The following MUC3A variants were observed in gnomAD, a reference collection of about 807,000 sequenced individuals.
MUC3A encodes mucin 3A, cell surface associated.
Under a neutral mutation model 109.0 loss-of-function variants are expected in MUC3A, and 109 were observed. That is an observed-to-expected ratio of 1.00 (90% CI 0.86 to 1.17). MUC3A has a LOEUF of 1.17. Ranked by LOEUF, MUC3A falls within the 50% of genes most tolerant of loss-of-function variation. The pLI is 0.00. For synonymous variants in MUC3A, 1,398 were observed against 981.4 expected (o/e 1.42, Z -7.93); for missense variants, 3,537 against 2,469.4 (o/e 1.43, Z -9.16).
At position 100,962,067 on chromosome 7, in the gene MUC3A, C is replaced by T. The variant is rs1221849538; in HGVS notation, c.9053-1084C>T. On this transcript the variant is annotated intron_variant, in intron 3 of 11. Coordinates refer to ENST00000379458, the MANE Select transcript of MUC3A (RefSeq NM_005960.2). ...CTAAAACGGTGAAACCCCGTCTCTA[C>T]TAAAAATACAAAAAATTAGCCGGGC... Among the ~76,000 whole-genome samples the T allele has an allele frequency of 1.8e-5, 2 of 108,710 alleles. 1 individual carries two copies. Among genetic ancestry groups the T allele is most frequent in the Non-Finnish European group, 4.2e-5 (2 of 47,736 alleles). The allele number at this position is 108,710 out of a possible 152,430, so 71.3% of individuals were successfully genotyped here.
intron 4 of MUC3A, 37 bp downstream of exon 4, chr7:100,963,303 T>TTTTTTTTTTTTTGA: frequency 3.6e-6 from 5 of 1,393,064 alleles, no homozygotes; most frequent in Non-Finnish European, 4.9e-6. Flanking sequence ...TTTTTTTTTT[T>TTTTTTTTTTTTTGA]GAGGTGTAGT....
intron 6 of MUC3A, 139 bp from the exon 7 acceptor site, chr7:100,965,138 CTCTCT>C (rs1563075190): frequency 2.3e-6 from 3 of 1,326,048 alleles, no homozygotes; most frequent in South Asian, 2.6e-5. Flanking sequence ...TCGCCTGTGG[CTCTCT>C]CCGTCTGGGA....
chr7:100,962,786 T>A (rs1697412947), intron 3 of MUC3A, among the ~76,000 whole-genome samples: 1 of 129,650 alleles, frequency 7.7e-6, no homozygotes, highest in African/African-American at 2.9e-5. Context: ...TCTTTCTTTC[T>A]CTTTCTTTCT....
In MUC3A at chr7:100,963,250, A is replaced by G; in HGVS notation, c.9152A>G (p.Lys3051Arg). The change falls in exon 4 of 12, where the codon AAG (lysine) becomes AGG (arginine). Residue 3051 changes from lysine (K) to arginine (R), a missense_variant. Transcript: ENST00000379458. ...NTSQAYRDFN[K>R]TFWNQMQKIF... ...TCCCAGGCCTACAGGGATTTCAACA[A>G]GACCTTCTGGAATCAGGTAAAGGGC... The G allele has an allele frequency of 1.3e-6, 2 of 1,597,864 alleles. No individual in the cohort carries two copies. Among genetic ancestry groups the G allele is most frequent in the South Asian group, 2.2e-5 (2 of 90,900 alleles).
At position 100,955,686 on chromosome 7, in the gene MUC3A, A is replaced by AT; in HGVS notation, c.3907_3908insT (p.Thr1303IlefsTer17). ...CAGTGCAGGGACCACTCACACAGAG[A>AT]CTATTTCCTCACTTCCAGCCAGCAC... On this transcript the variant is annotated frameshift_variant, in exon 2 of 12. Coordinates refer to ENST00000379458, the MANE Select transcript of MUC3A (RefSeq NM_005960.2). LOFTEE classifies it high-confidence loss of function. 2.3e-6 allele frequency: 1 copy of AT among 427,256 alleles called. No individual in the cohort carries two copies. The highest frequency in any genetic ancestry group is 8.7e-5 in the South Asian group (1 of 11,512). 26.5% of individuals were successfully genotyped at this position (427,256 alleles called of 1,614,324 possible). A position where few individuals can be genotyped will look rare whatever the true frequency, so the allele number is the denominator to read the frequency against.
chr7:100,964,504 G>A, intron 5 of MUC3A, 191 bp from the exon 6 acceptor site: 1 of 880,366 alleles, frequency 1.1e-6, no homozygotes, highest in South Asian at 2.2e-5. Context: ...GTCATTCCTT[G>A]TCCTGCCTTC....
intron 8 of MUC3A, chr7:100,966,125 CTCGTTCTAGGG>C: frequency 5.9e-6 from 3 of 509,026 alleles, no homozygotes; most frequent in Non-Finnish European, 9.6e-6. Context: ...GCCCCGCCTC[CTCGTTCTAGGG>C]TTGAACCCCG....
At position 100,966,757 on chromosome 7, in the gene MUC3A, C is replaced by T. The variant is rs748678848; in HGVS notation, c.9877+14C>T. On this transcript the variant is annotated intron_variant, in intron 10 of 11. Transcript: ENST00000379458. The stretch of plus-strand genomic sequence containing the variant: ...ACGACGGAACAGGTGAGTCCTGCCT[C>T]CTGGGGAAGCAGGCAGAGGCTTTCC... 7.5e-6 allele frequency: 12 copies of T among 1,598,536 alleles called. No homozygotes were observed. The highest frequency in any genetic ancestry group is 1.0e-5 in the Non-Finnish European group (12 of 1,179,816).
In MUC3A at chr7:100,967,507, C is replaced by A; in HGVS notation, c.*345C>A. On this transcript the variant is annotated 3_prime_UTR_variant, in exon 12 of 12. Coordinates refer to ENST00000379458, the MANE Select transcript of MUC3A (RefSeq NM_005960.2). Reference sequence around the variant, plus strand: ...TTGGTCAATTCTCGGTCCTACTCTGCCCTCCCGTCTCAGCCCTCGTGTTGC... The same window carrying A: ...TTGGTCAATTCTCGGTCCTACTCTGACCTCCCGTCTCAGCCCTCGTGTTGC... 1.9e-6 allele frequency: 1 copy of A among 520,410 alleles called. No individual in the cohort carries two copies. Among genetic ancestry groups the A allele is most frequent in the Non-Finnish European group, 3.4e-6 (1 of 293,910 alleles). 32.2% of individuals were successfully genotyped at this position (520,410 alleles called of 1,614,324 possible).
rs1584799263 is a variant in MUC3A, at chr7:100,952,647, A to C, written c.868A>C (p.Arg290=). ...CACTAATACATTGTCATCACCCACTAGGACCATTTTATCTTCCACACCTGT... is the reference window on the plus strand; with the variant it reads ...CACTAATACATTGTCATCACCCACTCGGACCATTTTATCTTCCACACCTGT... ...TATNTLSSPT[R]TILSSTPVLS... Residue 290 remains arginine, a synonymous_variant, in exon 2 of 12, where the codon AGG becomes CGG. Transcript: ENST00000379458. 1 of 1,593,488 alleles carries C rather than the reference A, an allele frequency of 6.3e-7. No homozygotes were observed. The highest frequency in any genetic ancestry group is 1.4e-5 in the African/African-American group (1 of 73,496).
At chr7:100,965,629 G>A in intron 7 of MUC3A, 75 bp from the exon 8 acceptor site, 2 of 1,542,710 alleles carry the variant, frequency 1.3e-6, no homozygotes, top group Non-Finnish European at 1.7e-6. Context: ...CGCATATTCA[G>A]AGGCACCGTT....
Position 100,967,287 on chromosome 7 carries a change from T to C in MUC3A, c.*125T>C. On this transcript the variant is annotated 3_prime_UTR_variant, in exon 12 of 12. Transcript: ENST00000379458. ...AGGCTCCTGCTGTTCTTGGGCAAGA[T>C]GAGACTGTTCCCCCAAATCCCATCC... is the stretch of plus-strand genomic sequence containing the variant. The C allele has an allele frequency of 6.9e-7, 1 of 1,446,178 alleles. No homozygotes were observed. The highest frequency in any genetic ancestry group is 9.4e-7 in the Non-Finnish European group (1 of 1,068,290). The allele number at this position is 1,446,178 out of a possible 1,614,324, so 89.6% of individuals were successfully genotyped here.
rs745585616 is a variant in MUC3A, at chr7:100,965,288, G to C, written c.9389G>C (p.Cys3130Ser). The change falls in exon 7 of 12, where the codon TGT (cysteine) becomes TCT (serine). Residue 3130 changes from cysteine to serine, a missense_variant. By Grantham distance (112) the Cys-to-Ser change is moderately radical. Transcript: ENST00000379458. ...VNSCQDSQTL[C>S]FKPDSIKVNN... is the part of the protein sequence containing the mutation. Reference sequence around the variant, plus strand: ...TGTGCCTGTGTTTCCGCAGCCCTGTGTTTTAAGCCTGACTCCATCAAGGTG... The same window carrying C: ...TGTGCCTGTGTTTCCGCAGCCCTGTCTTTTAAGCCTGACTCCATCAAGGTG... The C allele has an allele frequency of 6.3e-7, 1 of 1,599,080 alleles. No homozygotes were observed. Among genetic ancestry groups the C allele is most frequent in the Non-Finnish European group, 8.5e-7 (1 of 1,179,728 alleles).
chr7:100,959,513 ACAG>A lies in MUC3A; in HGVS notation c.7735_7737del (p.Gln2579del). ...TTGTTGTTATACCTGAAACCCCAAC[ACAG>A]ACCCCTCCTGTACTGACGTCAGCCA... is the stretch of plus-strand genomic sequence containing the variant. On this transcript the variant is annotated inframe_deletion, in exon 2 of 12. Coordinates refer to ENST00000379458, the MANE Select transcript of MUC3A (RefSeq NM_005960.2). The A allele has an allele frequency of 2.5e-6, 4 of 1,589,246 alleles. No individual in the cohort carries two copies. The highest frequency in any genetic ancestry group is 2.2e-5 in the East Asian group (1 of 44,864).
chr7:100,957,638 C>A lies in MUC3A; in HGVS notation c.5859C>A (p.His1953Gln), dbSNP rs1370452591. 4 of 1,518,250 alleles carry A rather than the reference C, an allele frequency of 2.6e-6. No individual in the cohort carries two copies. The East Asian group carries it at 7.3e-5, about 28-fold the overall frequency. 94.0% of individuals were successfully genotyped at this position (1,518,250 alleles called of 1,614,324 possible). ...SSITNTKTTS[H>Q]SSPSFTSSIT... is the part of the protein sequence containing the mutation. The stretch of plus-strand genomic sequence containing the variant: ...TCACCAATACCAAGACCACCTCACA[C>A]AGCTCTCCCAGCTTCACTTCTTCGA... The change falls in exon 2 of 12, where the codon CAC becomes CAA. Residue 1953 changes from histidine (H) to glutamine (Q), a missense_variant. Physicochemically the swap from His to Gln is conservative, Grantham distance 24. Coordinates refer to ENST00000379458, the MANE Select transcript of MUC3A (RefSeq NM_005960.2).
chr7:100,952,837 A>G lies in MUC3A; in HGVS notation c.1058A>G (p.Tyr353Cys), dbSNP rs958015421. ...ACAGACTCCACTACCAAAATCGCCT[A>G]CTCCACAAGTATGACAGGTACATTG... Reference protein sequence around the residue: ...TVTDSTTKIAYSTSMTGTLST... With the variant: ...TVTDSTTKIACSTSMTGTLST... The change falls in exon 2 of 12, where the codon TAC (tyrosine) becomes TGC (cysteine). Residue 353 changes from tyrosine to cysteine, a missense_variant. Transcript: ENST00000379458. The G allele has an allele frequency of 1.4e-5, 22 of 1,533,892 alleles. No homozygotes were observed. Among genetic ancestry groups the G allele is most frequent in the South Asian group, 1.3e-4 (11 of 83,670 alleles).
Position 100,952,075 on chromosome 7 carries a change from A to G in MUC3A, c.296A>G (p.Asn99Ser), listed in dbSNP as rs1288164566. 2 of 1,598,644 alleles carry G rather than the reference A, an allele frequency of 1.3e-6. No homozygotes were observed. Among genetic ancestry groups the G allele is most frequent in the South Asian group, 1.1e-5 (1 of 91,088 alleles). Reference protein sequence around the residue: ...ETLLNSPVSSNTSTTPTSKFA... With the variant: ...ETLLNSPVSSSTSTTPTSKFA... ...TTGCTCAACTCTCCAGTCAGTTCCA[A>G]CACCTCAACCACCCCGACGTCCAAG... The change falls in exon 2 of 12, where the codon AAC becomes AGC. Residue 99 changes from asparagine to serine, a missense_variant. Physicochemically the swap from Asn to Ser is conservative, Grantham distance 46. Coordinates refer to ENST00000379458, the MANE Select transcript of MUC3A (RefSeq NM_005960.2).
rs1584815794 is a variant in MUC3A at position 100,967,489 on chromosome 7, A to G, written c.*327A>G. 1.3e-5 allele frequency: 7 copies of G among 557,372 alleles called. No homozygotes were observed. In the South Asian group the frequency reaches 1.3e-4, roughly 10 times the overall value. 34.5% of individuals were successfully genotyped at this position (557,372 alleles called of 1,614,324 possible). A position where few individuals can be genotyped will look rare whatever the true frequency, so the allele number is the denominator to read the frequency against. On this transcript the variant is annotated 3_prime_UTR_variant, in exon 12 of 12. Coordinates refer to ENST00000379458, the MANE Select transcript of MUC3A (RefSeq NM_005960.2). The stretch of plus-strand genomic sequence containing the variant: ...TGTGAAAACCACATAGACTTGGTCA[A>G]TTCTCGGTCCTACTCTGCCCTCCCG...
intron 1 of MUC3A, among the ~76,000 whole-genome samples, chr7:100,951,113 G>A (rs1026385044): frequency 1.3e-5 from 2 of 152,184 alleles, no homozygotes; most frequent in Non-Finnish European, 2.9e-5. Flanking sequence ...GGGTTCAAGC[G>A]ATTCTCCTGC....
Sources: allele counts gnomAD v4.1 joint callset (sites outside exome capture counted in the v4.1 genomes callset), GRCh38; gene constraint gnomAD v4.1.1; transcripts MANE v1.5; gene names NCBI Gene and HGNC (gene_info 2026-07-23, HGNC 2026-07-21).